Variants in EPS8 observed in about 807,000 individuals in gnomAD.
EPS8 encodes EGFR pathway substrate 8, signaling adaptor.
A neutral mutation model predicts 103.8 loss-of-function variants in EPS8; 42 were observed. That is an observed-to-expected ratio of 0.40 (90% confidence interval 0.32 to 0.52). The LOEUF is 0.52. Ranked by LOEUF, EPS8 falls within the 20% of genes least tolerant of loss-of-function variation. The pLI, the probability that EPS8 is intolerant of heterozygous loss-of-function variation, is 0.40. For synonymous variants in EPS8, 344 were observed against 344.6 expected (o/e 1.00, Z 0.02); for missense variants, 969 against 1,005.1 (o/e 0.96, Z 0.49).
chr12:15,743,140 C>A (rs1946842316), intron 1 of EPS8, among the ~76,000 whole-genome samples: 1 of 152,196 alleles, frequency 6.6e-6, no homozygotes, highest in Non-Finnish European at 1.5e-5. Flanking sequence ...AGAGTCAAAT[C>A]ATGAGTGAAC....
At chr12:15,703,661 T>C (rs1445337135) in intron 1 of EPS8, among the ~76,000 whole-genome samples, 3 of 151,514 alleles carry the variant, frequency 2.0e-5, no homozygotes, top group Non-Finnish European at 4.4e-5. Flanking sequence ...TTTTAGGAGA[T>C]GGTAAGGAGT....
At chr12:15,652,526 C>T (rs536548285) in intron 13 of EPS8, among the ~76,000 whole-genome samples, 8 of 151,918 alleles carry the variant, frequency 5.3e-5, no homozygotes, top group African/African-American at 9.7e-5. Flanking sequence ...GTACATTATA[C>T]GAATGTATCA....
rs755897798 is a variant in EPS8, at chr12:15,762,466, C to T, written c.-22+26695G>A. Among the ~76,000 whole-genome samples, 1 of 152,178 alleles carries T rather than the reference C, an allele frequency of 6.6e-6. No individual in the cohort carries two copies. The highest frequency in any genetic ancestry group is 2.1e-4 in the South Asian group (1 of 4,826). On this transcript the variant is annotated intron_variant, in intron 1 of 20. Coordinates refer to ENST00000281172, the MANE Select transcript of EPS8 (RefSeq NM_004447.6). This position sits in a 1 kb window ranked among gnomAD's most constrained non-coding sequence, Gnocchi z 4.8. ...CCCAAAAGAAAGGAAATCAGTATAT[C>T]AAAGGGATATCTGCACTCCCATATT...
rs1213528810 is a variant in EPS8, at chr12:15,704,554, G to A, written c.-21-21582C>T. Reference sequence around the variant, plus strand: ...ATTCAAAGACACAGAAAGCATAATGGTGGCTGCCAGGGGCTGTGGAAGGTG... The same window carrying A: ...ATTCAAAGACACAGAAAGCATAATGATGGCTGCCAGGGGCTGTGGAAGGTG... On this transcript the variant is annotated intron_variant, in intron 1 of 20. Transcript: ENST00000281172. This position sits in a 1 kb window ranked among gnomAD's most constrained non-coding sequence, Gnocchi z 4.6. 1.3e-5 allele frequency among the ~76,000 whole-genome samples: 2 copies of A among 152,154 alleles called. No individual in the cohort carries two copies. The highest frequency in any genetic ancestry group is 6.5e-5 in the Admixed American group (1 of 15,268).
chr12:15,637,096 C>T (rs1177579367), intron 17 of EPS8, among the ~76,000 whole-genome samples: 5 of 152,252 alleles, frequency 3.3e-5, no homozygotes, highest in Non-Finnish European at 7.3e-5. Context: ...TCTCGGCTCA[C>T]CGCATCCCCT....
At chr12:15,741,523 C>T (rs1467514444) in intron 1 of EPS8, among the ~76,000 whole-genome samples, 1 of 152,160 alleles carries the variant, frequency 6.6e-6, no homozygotes, top group Non-Finnish European at 1.5e-5. Context: ...TCATTTTGTT[C>T]TTGGCCCTGC....
intron 1 of EPS8, among the ~76,000 whole-genome samples, chr12:15,742,370 C>T (rs1946833880): frequency 6.6e-6 from 1 of 152,196 alleles, no homozygotes. Context: ...TCCTCTCCAG[C>T]ACCTGTTGTT....
intron 13 of EPS8, among the ~76,000 whole-genome samples, chr12:15,653,682 A>G (rs1945455105): frequency 6.6e-6 from 1 of 152,154 alleles, no homozygotes; most frequent in Admixed American, 6.5e-5. Flanking sequence ...TCTGTCACTT[A>G]CAAGTTGTGT....
chr12:15,775,013 T>C (rs1947194067), intron 1 of EPS8, among the ~76,000 whole-genome samples: 1 of 152,112 alleles, frequency 6.6e-6, no homozygotes, highest in South Asian at 2.1e-4. Flanking sequence ...ACTAGAAACA[T>C]ATGAGCCAAA....
In EPS8 at chr12:15,757,728, CT is replaced by C. The variant is rs1659852839; in HGVS notation, c.-22+31432del. 2.0e-5 allele frequency among the ~76,000 whole-genome samples: 3 copies of C among 152,198 alleles called. No homozygotes were observed. The South Asian group carries it at 6.2e-4, about 32-fold the overall frequency. ...AAGTCACACTGACATTACATGCCCC[CT>C]AATGTGATGCAACAGGAAATGCAGA... On this transcript the variant is annotated intron_variant, in intron 1 of 20. Coordinates refer to ENST00000281172, the MANE Select transcript of EPS8 (RefSeq NM_004447.6). The surrounding 1 kb of genome is among the most constrained non-coding windows in gnomAD (Gnocchi z 4.1).
intron 15 of EPS8, among the ~76,000 whole-genome samples, chr12:15,644,828 C>G (rs536030781): frequency 6.6e-6 from 1 of 152,118 alleles, no homozygotes; most frequent in Non-Finnish European, 1.5e-5. Context: ...TTCCAAACCT[C>G]TGTGTATTTT....
Position 15,714,141 on chromosome 12 carries a change from G to T in EPS8, c.-21-31169C>A, listed in dbSNP as rs1946501907. On this transcript the variant is annotated intron_variant, in intron 1 of 20. Coordinates refer to ENST00000281172, the MANE Select transcript of EPS8 (RefSeq NM_004447.6). The surrounding 1 kb of genome is among the most constrained non-coding windows in gnomAD (Gnocchi z 4.1). The stretch of plus-strand genomic sequence containing the variant: ...ATGAAGATGAGCTTATAAATTTAGA[G>T]ATTACAAAATATGGAGAAAATGATT... 6.6e-6 allele frequency among the ~76,000 whole-genome samples: 1 copy of T among 152,010 alleles called. No individual in the cohort carries two copies.
Position 15,620,960 on chromosome 12 carries a change from G to T in EPS8, c.*357C>A, listed in dbSNP as rs1944852635. The stretch of plus-strand genomic sequence containing the variant: ...GCAAAATCGAAACTGCTTAGATTTT[G>T]AATCATGGACAACATTGTTGCTTTG... On this transcript the variant is annotated 3_prime_UTR_variant, in exon 21 of 21. Transcript: ENST00000281172. 1 of 178,962 alleles carries T rather than the reference G, an allele frequency of 5.6e-6. No homozygotes were observed. Among genetic ancestry groups the T allele is most frequent in the Non-Finnish European group, 1.1e-5 (1 of 87,096 alleles). 11.1% of individuals were successfully genotyped at this position (178,962 alleles called of 1,614,324 possible).
rs531967890 is a variant in EPS8 at position 15,752,311 on chromosome 12, G to A, written c.-22+36850C>T. ...AAATACAAAAAATTAGCCAGGTGTG[G>A]TGGCGGGTGCCTGTAGTCCCAGCTA... On this transcript the variant is annotated intron_variant, in intron 1 of 20. Transcript: ENST00000281172. This position sits in a 1 kb window ranked among gnomAD's most constrained non-coding sequence, Gnocchi z 4.4. Among the ~76,000 whole-genome samples, 1 of 152,182 alleles carries A rather than the reference G, an allele frequency of 6.6e-6. No homozygotes were observed. Among genetic ancestry groups the A allele is most frequent in the African/African-American group, 2.4e-5 (1 of 41,496 alleles).
chr12:15,755,219 T>C (rs1452392232), intron 1 of EPS8, among the ~76,000 whole-genome samples: 2 of 152,226 alleles, frequency 1.3e-5, no homozygotes, highest in African/African-American at 4.8e-5. Flanking sequence ...CAAGTTCTCC[T>C]TGACACTTGA....
At chr12:15,710,486 TAC>T (rs941170360) in intron 1 of EPS8, among the ~76,000 whole-genome samples, 1 of 152,186 alleles carries the variant, frequency 6.6e-6, no homozygotes, top group African/African-American at 2.4e-5. Context: ...CATTACCAAG[TAC>T]AGAGAGACAA....
rs1946002821 is a variant in EPS8, at chr12:15,681,339, A to T, written c.60-37T>A. ...ATAATAATAATAATAATAATAATAT[A>T]AAAAGGTCATTGTGTTGGGTTAAAG... is the stretch of plus-strand genomic sequence containing the variant. On this transcript the variant is annotated intron_variant, in intron 2 of 20. Transcript: ENST00000281172. 3 of 886,942 alleles carry T rather than the reference A, an allele frequency of 3.4e-6. No homozygotes were observed. The East Asian group carries it at 1.1e-4, about 33-fold the overall frequency. 54.9% of individuals were successfully genotyped at this position (886,942 alleles called of 1,614,324 possible).
chr12:15,659,661 C>T (rs747262866), intron 10 of EPS8, among the ~76,000 whole-genome samples: 22 of 152,146 alleles, frequency 1.4e-4, no homozygotes, highest in Non-Finnish European at 2.6e-4. Context: ...ATATGTGCTA[C>T]AGAAAGATTT....
chr12:15,687,596 T>C (rs1402489646), intron 1 of EPS8, among the ~76,000 whole-genome samples: 2 of 152,212 alleles, frequency 1.3e-5, no homozygotes, highest in African/African-American at 2.4e-5. Context: ...TGAAGAAAAC[T>C]ACTTATAACA....
Sources: allele counts gnomAD v4.1 joint callset (sites outside exome capture counted in the v4.1 genomes callset), GRCh38; gene constraint gnomAD v4.1.1; non-coding constraint Gnocchi (gnomAD v3.1); transcripts MANE v1.5; gene names NCBI Gene and HGNC (gene_info 2026-07-23, HGNC 2026-07-21).